Variants in COL4A5 observed in about 807,000 individuals in gnomAD.
COL4A5 encodes collagen type IV alpha 5 chain, also known as collagen alpha-5(IV) chain.
Under a neutral mutation model 130.2 loss-of-function variants are expected in COL4A5, and 26 were observed. The observed-to-expected ratio is 0.20, with a 90% CI of 0.15 to 0.28. The LOEUF is 0.28. COL4A5 is among the 10% of genes least tolerant of loss of function. The probability of loss-of-function intolerance (pLI) is 1.00; values close to 1 mark genes in which losing one functional copy is unlikely to be tolerated. For synonymous variants in COL4A5, 496 were observed against 439.6 expected, an observed-to-expected ratio of 1.13 and a Z score of -1.60; for missense variants, 1,131 against 1,344.3, an observed-to-expected ratio of 0.84 and a Z score of 2.48.
chrX:108,582,095 T>A (rs1052627993), intron 16 of COL4A5, among the ~76,000 whole-genome samples: 5 of 111,467 alleles, frequency 4.5e-5, no homozygotes, highest in Non-Finnish European at 9.4e-5. Flanking sequence ...AGGATAATTC[T>A]TAACAAGACA....
chrX:108,622,348 G>T (rs1445155077), intron 32 of COL4A5, among the ~76,000 whole-genome samples: 3 of 111,173 alleles, frequency 2.7e-5, no homozygotes, highest in Non-Finnish European at 5.7e-5. Context: ...AGCAAGGATG[G>T]TCTCGATCTC....
At chrX:108,619,103 T>C (rs1282391012) in intron 30 of COL4A5, among the ~76,000 whole-genome samples, 1 of 111,453 alleles carries the variant, frequency 9.0e-6, no homozygotes, top group Non-Finnish European at 1.9e-5. Context: ...AAAATCTCTC[T>C]CTCCTTTTTA....
chrX:108,445,064 A>C (rs774142368), intron 1 of COL4A5, among the ~76,000 whole-genome samples: 1 of 111,563 alleles, frequency 9.0e-6, no homozygotes, highest in African/African-American at 3.3e-5. Flanking sequence ...TATGTAAAAC[A>C]TATAGTATTT....
chrX:108,543,008 G>A (rs1359629624), intron 2 of COL4A5, among the ~76,000 whole-genome samples: 2 of 110,607 alleles, frequency 1.8e-5, no homozygotes, highest in African/African-American at 6.6e-5. Flanking sequence ...CTGGATATTA[G>A]CCCTTTGTCA....
chrX:108,520,722 T>G (rs1227274944), intron 1 of COL4A5, among the ~76,000 whole-genome samples: 1 of 111,718 alleles, frequency 9.0e-6, no homozygotes, highest in Non-Finnish European at 1.9e-5. Context: ...AACCTTTCTG[T>G]GTAACTGTAT....
chrX:108,586,889 C>A, intron 19 of COL4A5, 142 bp downstream of exon 19: 1 of 621,913 alleles, frequency 1.6e-6, no homozygotes. Flanking sequence ...CCAACTCTTA[C>A]TATACCTTCT....
chrX:108,621,414 C>T (rs763769197), intron 31 of COL4A5, among the ~76,000 whole-genome samples: 1 of 110,423 alleles, frequency 9.1e-6, no homozygotes, highest in South Asian at 3.9e-4. Context: ...ATCCTCCCAC[C>T]TCAACCTCCC....
At chrX:108,596,916 C>T in intron 22 of COL4A5, 82 bp from the exon 23 acceptor site, 1 of 978,144 alleles carries the variant, frequency 1.0e-6, no homozygotes, top group Middle Eastern at 3.1e-4. Flanking sequence ...TTGATGATTT[C>T]TGTATGAGCT....
chrX:108,637,301 A>G (rs1414257610), intron 36 of COL4A5, among the ~76,000 whole-genome samples: 1 of 111,421 alleles, frequency 9.0e-6, no homozygotes, highest in Non-Finnish European at 1.9e-5. Context: ...TAGTGAAAGC[A>G]ATGCTAAATG....
intron 25 of COL4A5, among the ~76,000 whole-genome samples, chrX:108,600,548 G>T (rs1266691218): frequency 8.1e-5 from 9 of 110,646 alleles, no homozygotes; most frequent in African/African-American, 3.0e-4. Flanking sequence ...ATGCTCTTTT[G>T]GCCTACATTT....
intron 30 of COL4A5, among the ~76,000 whole-genome samples, chrX:108,616,863 G>C (rs2066937638): frequency 9.2e-6 from 1 of 108,593 alleles, no homozygotes; most frequent in Admixed American, 9.9e-5. Flanking sequence ...TAAATATATA[G>C]ATATAAATAT....
chrX:108,504,315 C>G (rs1339494124), intron 1 of COL4A5, among the ~76,000 whole-genome samples: 2 of 111,729 alleles, frequency 1.8e-5, no homozygotes, highest in Non-Finnish European at 3.8e-5. Flanking sequence ...CTCTTCTGGA[C>G]ATTGACCTAG....
chrX:108,613,342 G>A, intron 29 of COL4A5, among the ~76,000 whole-genome samples: 1 of 111,932 alleles, frequency 8.9e-6, no homozygotes, highest in Non-Finnish European at 1.9e-5. Context: ...GAGGCCTATA[G>A]GCCATATTTA....
At chrX:108,459,621 C>G (rs1281005181) in intron 1 of COL4A5, among the ~76,000 whole-genome samples, 1 of 112,431 alleles carries the variant, frequency 8.9e-6, no homozygotes, top group Non-Finnish European at 1.9e-5. Context: ...CTGTATCTAT[C>G]TCTCTGCCTG....
In COL4A5 at chrX:108,695,310, C is replaced by T. The variant is rs770335666; in HGVS notation, c.4865C>T (p.Ser1622Phe). 5 of 1,211,426 alleles carry T rather than the reference C, an allele frequency of 4.1e-6. No individual in the cohort carries two copies. ...GAAGGCTCAGGTCAAGCCCTAGCCT[C>T]CCCTGGTTCCTGCTTGGAAGAGTTT... Reference protein sequence around the residue: ...GAEGSGQALASPGSCLEEFRS... With the variant: ...GAEGSGQALAFPGSCLEEFRS... Residue 1622 changes from serine to phenylalanine, a missense_variant, in exon 52 of 53, where the codon TCC becomes TTC. Coordinates refer to ENST00000328300, the MANE Select transcript of COL4A5 (RefSeq NM_033380.3).
chrX:108,517,072 T>A (rs1186693321), intron 1 of COL4A5, among the ~76,000 whole-genome samples: 1 of 112,012 alleles, frequency 8.9e-6, no homozygotes, highest in Non-Finnish European at 1.9e-5. Flanking sequence ...TTCATCATCA[T>A]TTTTGTTGTT....
intron 48 of COL4A5, 97 bp from the exon 49 acceptor site, chrX:108,687,385 A>C: frequency 1.4e-6 from 1 of 731,656 alleles, no homozygotes; most frequent in South Asian, 2.2e-5. Context: ...TATCAAATAA[A>C]TTAACTAGTC....
At chrX:108,527,491 A>T (rs1229649123) in intron 1 of COL4A5, among the ~76,000 whole-genome samples, 1 of 111,934 alleles carries the variant, frequency 8.9e-6, no homozygotes. Context: ...CTATATTTTA[A>T]ATGCCACAGT....
intron 46 of COL4A5, 118 bp from the exon 47 acceptor site, chrX:108,681,642 C>A: frequency 1.2e-6 from 1 of 808,145 alleles, no homozygotes. Context: ...TTAGATATGG[C>A]AGCAATTCAA....
Sources: gnomAD v4.1 joint callset for allele counts (sites outside exome capture counted in the v4.1 genomes callset) on GRCh38, gnomAD v4.1.1 for gene constraint, MANE v1.5 for transcripts, NCBI Gene and HGNC (gene_info 2026-07-23, HGNC 2026-07-21) for gene names.